CNTNAP2: variants seen among roughly 807,000 people sequenced by gnomAD.
CNTNAP2 encodes contactin associated protein 2.
CNTNAP2 carries 98 observed loss-of-function variants against 155.2 expected under a neutral mutation model. The ratio of observed to expected loss-of-function variants is 0.63; its 90% confidence interval spans 0.54 to 0.75. The LOEUF (loss-of-function observed/expected upper bound fraction) is 0.75, where lower values mean the gene tolerates loss of function less well. CNTNAP2 is among the 30% of genes least tolerant of loss of function. CNTNAP2 has a pLI of 0.00. For missense variants in CNTNAP2, 1,727 were observed against 1,688.1 expected (o/e 1.02, Z -0.40); for synonymous variants, 651 against 631.2 (o/e 1.03, Z -0.47).
In CNTNAP2 at chr7:146,444,969, C is replaced by T. The variant is rs532672771; in HGVS notation, c.97+327996C>T. Among the ~76,000 whole-genome samples the T allele has an allele frequency of 1.3e-4, 19 of 151,990 alleles. No homozygotes were observed. In the South Asian group the frequency reaches 2.7e-3, roughly 22 times the overall value. ...ACCCACCGAGACACATAAGCCACCACGCCCAGCCCATGGATTCTAAGTGTG... is the reference window on the plus strand; with the variant it reads ...ACCCACCGAGACACATAAGCCACCATGCCCAGCCCATGGATTCTAAGTGTG... On this transcript the variant is annotated intron_variant, in intron 1 of 23. Coordinates refer to ENST00000361727, the MANE Select transcript of CNTNAP2 (RefSeq NM_014141.6).
chr7:147,800,563 A>G (rs1463465871), intron 13 of CNTNAP2, among the ~76,000 whole-genome samples: 3 of 152,124 alleles, frequency 2.0e-5, no homozygotes, highest in Admixed American at 6.5e-5. Context: ...GTTTGTTGCC[A>G]TGAGCCTTAG....
chr7:148,400,293 CTG>C (rs1383568058), intron 22 of CNTNAP2, among the ~76,000 whole-genome samples: 2 of 152,248 alleles, frequency 1.3e-5, no homozygotes, highest in Non-Finnish European at 2.9e-5. Context: ...ATTCTGGAAA[CTG>C]TGCAGCAGGA....
chr7:147,378,498 C>A (rs1432458869), intron 9 of CNTNAP2, among the ~76,000 whole-genome samples: 1 of 151,888 alleles, frequency 6.6e-6, no homozygotes, highest in South Asian at 2.1e-4. Flanking sequence ...TGAAGTAAAC[C>A]AGGCACAGAA....
intron 1 of CNTNAP2, among the ~76,000 whole-genome samples, chr7:146,626,194 T>C (rs983023233): frequency 6.6e-6 from 1 of 152,134 alleles, no homozygotes; most frequent in African/African-American, 2.4e-5. Context: ...TTAACAATAA[T>C]GTTTACTTTT....
chr7:147,225,038 A>C (rs1193226152), intron 8 of CNTNAP2, among the ~76,000 whole-genome samples: 1 of 152,200 alleles, frequency 6.6e-6, no homozygotes, highest in South Asian at 2.1e-4. Context: ...AACATTTGAT[A>C]AAGACTTAGT....
intron 20 of CNTNAP2, among the ~76,000 whole-genome samples, chr7:148,238,334 C>A (rs1478310552): frequency 2.6e-5 from 4 of 151,958 alleles, no homozygotes; most frequent in Non-Finnish European, 5.9e-5. Flanking sequence ...GGTGACAGAG[C>A]GAAACTCCAT....
intron 12 of CNTNAP2, among the ~76,000 whole-genome samples, chr7:147,586,251 T>C (rs1455331682): frequency 1.3e-5 from 2 of 151,936 alleles, no homozygotes; most frequent in South Asian, 2.1e-4. Context: ...AGAGAAAAGT[T>C]TGCAAATGTT....
chr7:147,003,826 A>G (rs1235405850), intron 3 of CNTNAP2, among the ~76,000 whole-genome samples: 1 of 151,944 alleles, frequency 6.6e-6, no homozygotes, highest in Non-Finnish European at 1.5e-5. Context: ...CTGGGAGTTC[A>G]AGACCAGTCT....
chr7:147,068,550 G>A (rs1392526186), intron 4 of CNTNAP2, among the ~76,000 whole-genome samples: 1 of 152,068 alleles, frequency 6.6e-6, no homozygotes, highest in African/African-American at 2.4e-5. Context: ...GTAGAGATGG[G>A]GTTTCACCAT....
chr7:147,373,012 C>T (rs1796372995), intron 9 of CNTNAP2, among the ~76,000 whole-genome samples: 1 of 152,112 alleles, frequency 6.6e-6, no homozygotes, highest in African/African-American at 2.4e-5. Context: ...TATTCCATCA[C>T]ATTATTAAAA....
At chr7:146,748,406 A>C (rs1006560550) in intron 1 of CNTNAP2, among the ~76,000 whole-genome samples, 1 of 151,766 alleles carries the variant, frequency 6.6e-6, no homozygotes. Context: ...TGGCCTCCCA[A>C]AGTGCTGGGA....
intron 17 of CNTNAP2, among the ~76,000 whole-genome samples, chr7:148,156,097 G>A (rs754384379): frequency 7.9e-5 from 12 of 152,200 alleles, no homozygotes; most frequent in East Asian, 1.9e-4. Context: ...TTATAAAGTC[G>A]CCATGGCAAA....
At chr7:146,996,328 A>G (rs145657197) in intron 3 of CNTNAP2, among the ~76,000 whole-genome samples, 131 of 152,174 alleles carry the variant, frequency 8.6e-4, no homozygotes, top group African/African-American at 3.1e-3. Context: ...TTTTAACAAT[A>G]TTACTACTTT....
At chr7:146,594,289 T>C (rs1213541717) in intron 1 of CNTNAP2, among the ~76,000 whole-genome samples, 1 of 152,116 alleles carries the variant, frequency 6.6e-6, no homozygotes, top group Non-Finnish European at 1.5e-5. Flanking sequence ...CAATAATCCA[T>C]CTTGTCATGT....
chr7:146,750,299 C>T (rs1256997651), intron 1 of CNTNAP2, among the ~76,000 whole-genome samples: 1 of 152,164 alleles, frequency 6.6e-6, no homozygotes, highest in Admixed American at 6.5e-5. Flanking sequence ...ACCCTCCTCC[C>T]TTGGAATTAG....
chr7:148,161,501 C>T (rs76632994), intron 17 of CNTNAP2, among the ~76,000 whole-genome samples: 1,611 of 152,174 alleles, frequency 0.011, 27 homozygotes, highest in African/African-American at 0.037. Context: ...CATTGTCATC[C>T]CTCTCAACCC....
intron 10 of CNTNAP2, among the ~76,000 whole-genome samples, chr7:147,414,737 C>G (rs1031921863): frequency 1.1e-4 from 16 of 151,658 alleles, no homozygotes; most frequent in Admixed American, 2.0e-4. Context: ...GTCAGGAGAT[C>G]GAGACTATCC....
chr7:146,565,030 T>G (rs1798336321), intron 1 of CNTNAP2, among the ~76,000 whole-genome samples: 1 of 152,108 alleles, frequency 6.6e-6, no homozygotes, highest in Non-Finnish European at 1.5e-5. Flanking sequence ...TACTATAATA[T>G]TTCAGTCTGC....
chr7:146,997,318 A>G (rs866643465), intron 3 of CNTNAP2, among the ~76,000 whole-genome samples: 2 of 152,156 alleles, frequency 1.3e-5, no homozygotes, highest in South Asian at 2.1e-4. Context: ...TTCTGCATCT[A>G]TTGAAGTGAT....
Sources: allele counts gnomAD v4.1 joint callset (sites outside exome capture counted in the v4.1 genomes callset), GRCh38; gene constraint gnomAD v4.1.1; transcripts MANE v1.5; gene names NCBI Gene and HGNC (gene_info 2026-07-23, HGNC 2026-07-21).